The following MACF1 variants were observed in gnomAD, a reference collection of about 807,000 sequenced individuals.
The protein encoded by MACF1 is microtubule-actin cross-linking factor 1.
A neutral mutation model predicts 854.8 loss-of-function variants in MACF1; 193 were observed. That is an observed-to-expected ratio of 0.23 (90% CI 0.20 to 0.25). MACF1 has a LOEUF of 0.25. Ranked by LOEUF, MACF1 falls within the 10% of genes least tolerant of loss-of-function variation. The pLI is 1.00. For missense variants in MACF1, 7,722 were observed against 8,929.1 expected (o/e 0.86, Z 5.45); for synonymous variants, 3,185 against 3,226.7 (o/e 0.99, Z 0.44).
At chr1:39,245,227 T>G (rs1156791081) in intron 2 of MACF1, among the ~76,000 whole-genome samples, 1 of 152,192 alleles carries the variant, frequency 6.6e-6, no homozygotes, top group Non-Finnish European at 1.5e-5. Flanking sequence ...CAGTACTCTG[T>G]AGTGTTTAAT....
intron 2 of MACF1, among the ~76,000 whole-genome samples, chr1:39,239,990 C>T (rs899515084): frequency 1.3e-5 from 2 of 152,180 alleles, no homozygotes; most frequent in Non-Finnish European, 2.9e-5. Flanking sequence ...AACTCCTGTG[C>T]TCAAGGAATC....
intron 2 of MACF1, among the ~76,000 whole-genome samples, chr1:39,245,967 C>G (rs533784041): frequency 6.6e-6 from 1 of 152,336 alleles, no homozygotes; most frequent in Non-Finnish European, 1.5e-5. Context: ...CAAAAGCACT[C>G]TTACTTATTT....
intron 63 of MACF1, among the ~76,000 whole-genome samples, 154 bp downstream of exon 63, chr1:39,428,441 A>C (rs532371751): frequency 4.6e-5 from 7 of 152,070 alleles, no homozygotes; most frequent in Non-Finnish European, 7.4e-5. Context: ...GCTGACTGCT[A>C]ATCTGTTTTT....
In MACF1 at chr1:39,485,741, A is replaced by C; in HGVS notation, c.22615A>C (p.Met7539Leu). The C allele has an allele frequency of 6.2e-7, 1 of 1,613,030 alleles. No individual in the cohort carries two copies. The highest frequency in any genetic ancestry group is 1.7e-4 in the Middle Eastern group (1 of 6,060). The change falls in exon 101 of 101, where the codon ATG (methionine) becomes CTG (leucine). Residue 7539 changes from methionine to leucine, a missense_variant. Met to Leu is a conservative substitution (Grantham distance 15, BLOSUM62 2). Coordinates refer to ENST00000564288, the MANE Select transcript of MACF1 (RefSeq NM_001394062.1). ...GLNKPSKIPT[M>L]SKKTTTASPR... ...AAACAAACCTTCCAAAATCCCAACC[A>C]TGTCTAAGAAGACCACCACTGCCTC...
chr1:39,485,622 C>T lies in MACF1; in HGVS notation c.22496C>T (p.Ala7499Val), dbSNP rs1000605371. 1.2e-6 allele frequency: 2 copies of T among 1,614,186 alleles called. No homozygotes were observed. Among genetic ancestry groups the T allele is most frequent in the Non-Finnish European group, 1.7e-6 (2 of 1,180,016 alleles). ...SRASSRRGSD[A>V]SDFDLLETQS... The stretch of plus-strand genomic sequence containing the variant: ...GCCAGCAGCCGGCGAGGAAGTGACG[C>T]TTCTGACTTTGACCTCTTAGAGACG... Residue 7499 changes from alanine to valine, a missense_variant, in exon 101 of 101, where the codon GCT becomes GTT. Ala to Val is a moderately conservative substitution (Grantham distance 64). This residue lies in a region of MACF1 where 185 missense variants were observed against 225.7 expected (regional missense o/e 0.82). Transcript: ENST00000564288.
chr1:39,449,697 A>ATTTTTTTTTT (rs4012670), intron 84 of MACF1, among the ~76,000 whole-genome samples: 2 of 129,778 alleles, frequency 1.5e-5, no homozygotes. Context: ...CGCGCCTGGC[A>ATTTTTTTTTT]TTTTTTTTTT....
intron 93 of MACF1, among the ~76,000 whole-genome samples, chr1:39,463,361 G>A (rs1425221452): frequency 1.3e-5 from 2 of 151,992 alleles, no homozygotes; most frequent in African/African-American, 4.8e-5. Flanking sequence ...CTGGTGGTGC[G>A]TGCCTATAAT....
intron 2 of MACF1, among the ~76,000 whole-genome samples, chr1:39,121,904 T>G (rs970175003): frequency 3.3e-5 from 5 of 152,168 alleles, no homozygotes; most frequent in Non-Finnish European, 5.9e-5. Context: ...CCAGGCCCGA[T>G]TAACTCCATT....
At chr1:39,391,257 T>C (rs1465796334) in intron 58 of MACF1, among the ~76,000 whole-genome samples, 1 of 152,212 alleles carries the variant, frequency 6.6e-6, no homozygotes, top group Non-Finnish European at 1.5e-5. Context: ...ATTTAAATGG[T>C]TGTACTGTCT....
At chr1:39,297,922 T>C (rs1645958854) in intron 21 of MACF1, among the ~76,000 whole-genome samples, 177 bp downstream of exon 21, 1 of 152,236 alleles carries the variant, frequency 6.6e-6, no homozygotes. Context: ...TTTTTCCTTT[T>C]CTTTTCTTAA....
intron 58 of MACF1, chr1:39,410,519 C>T (rs1318074980): frequency 6.2e-7 from 1 of 1,614,008 alleles, no homozygotes; most frequent in Admixed American, 1.7e-5. Flanking sequence ...GTTTTTGAAT[C>T]TAGAGCACCA....
rs553341936 is a variant in MACF1, at chr1:39,442,359, C to T, written c.18948+39C>T. The T allele has an allele frequency of 3.4e-5, 55 of 1,603,868 alleles. 1 individual carries two copies. Among genetic ancestry groups the T allele is most frequent in the Middle Eastern group, 1.7e-4 (1 of 6,002 alleles). On this transcript the variant is annotated intron_variant, in intron 76 of 100. Coordinates refer to ENST00000564288, the MANE Select transcript of MACF1 (RefSeq NM_001394062.1). Reference sequence around the variant, plus strand: ...TAGATGACATCAGTGAACTACTCTCCGCTCTTTTCTAATTTCGTATTGAAT... The same window carrying T: ...TAGATGACATCAGTGAACTACTCTCTGCTCTTTTCTAATTTCGTATTGAAT...
At chr1:39,398,311 G>A (rs1642352367) in intron 58 of MACF1, among the ~76,000 whole-genome samples, 1 of 151,970 alleles carries the variant, frequency 6.6e-6, no homozygotes, top group South Asian at 2.1e-4. Flanking sequence ...GCTAATTTTT[G>A]TATTTTTTGT....
intron 2 of MACF1, among the ~76,000 whole-genome samples, chr1:39,118,739 G>C (rs1417952886): frequency 6.6e-6 from 1 of 152,154 alleles, no homozygotes; most frequent in African/African-American, 2.4e-5. Context: ...GCTGTGGTAA[G>C]AGGAAATAGG....
At chr1:39,267,254 CAG>C (rs535655240) in intron 6 of MACF1, among the ~76,000 whole-genome samples, 43 of 152,210 alleles carry the variant, frequency 2.8e-4, no homozygotes, top group African/African-American at 1.0e-3. Flanking sequence ...TTTTTGGAGA[CAG>C]AGTCTTGTTC....
At chr1:39,279,554 C>A (rs774371060) in intron 6 of MACF1, among the ~76,000 whole-genome samples, 14 of 152,054 alleles carry the variant, frequency 9.2e-5, no homozygotes, top group African/African-American at 3.1e-4. Flanking sequence ...CTGATAGAGA[C>A]GACTAAGAGA....
chr1:39,318,003 T>C (rs995662483), intron 29 of MACF1, among the ~76,000 whole-genome samples: 8 of 152,208 alleles, frequency 5.3e-5, no homozygotes, highest in African/African-American at 1.9e-4. Flanking sequence ...TATGACTTAT[T>C]GGAAGTAGCA....
chr1:39,274,200 A>G (rs1362842621), intron 6 of MACF1, among the ~76,000 whole-genome samples: 1 of 152,088 alleles, frequency 6.6e-6, no homozygotes, highest in Non-Finnish European at 1.5e-5. Flanking sequence ...TCAAATAGAA[A>G]ATTAAGAAAA....
chr1:39,125,781 C>A (rs528443441), intron 2 of MACF1, among the ~76,000 whole-genome samples: 1 of 152,158 alleles, frequency 6.6e-6, no homozygotes, highest in Non-Finnish European at 1.5e-5. Flanking sequence ...CGCCTGAGGT[C>A]AGGAGTTGAA....
Sources: gnomAD v4.1 joint callset for allele counts (sites outside exome capture counted in the v4.1 genomes callset) on GRCh38, gnomAD v4.1.1 for gene constraint, gnomAD v4.1.1 regional missense constraint, MANE v1.5 for transcripts, NCBI Gene and HGNC (gene_info 2026-07-23, HGNC 2026-07-21) for gene names.